CDH12: variants seen among roughly 807,000 people sequenced by gnomAD.
CDH12 encodes cadherin-12.
In CDH12, 41 loss-of-function variants were observed where a neutral mutation model predicts 74.1. That is an observed-to-expected ratio of 0.55 (90% CI 0.43 to 0.72). The LOEUF (loss-of-function observed/expected upper bound fraction) is 0.72, where lower values mean the gene tolerates loss of function less well. CDH12 is among the 30% of genes least tolerant of loss of function. The pLI is 0.00. For synonymous variants in CDH12, 399 were observed against 355.0 expected, an observed-to-expected ratio of 1.12 and a Z score of -1.39; for missense variants, 945 against 977.2, an observed-to-expected ratio of 0.97 and a Z score of 0.44.
At position 21,935,571 on chromosome 5, in the gene CDH12, C is replaced by T. The variant is rs201839769; in HGVS notation, c.526+39520G>A. Among the ~76,000 whole-genome samples, 13 of 152,312 alleles carry T rather than the reference C, an allele frequency of 8.5e-5. No homozygotes were observed. In the East Asian group the frequency reaches 2.5e-3, roughly 29 times the overall value. ...TAAATTGAATATCCATCACTTCACA[C>T]AGTTATCCTTTGTGTTACAAACAAT... On this transcript the variant is annotated intron_variant, in intron 6 of 14. Coordinates refer to ENST00000382254, the MANE Select transcript of CDH12 (RefSeq NM_004061.5).
intron 3 of CDH12, among the ~76,000 whole-genome samples, chr5:22,361,930 C>T (rs1313118587): frequency 6.6e-6 from 1 of 152,086 alleles, no homozygotes; most frequent in Admixed American, 6.6e-5. Flanking sequence ...AAAATTAATT[C>T]AAGATGGATT....
chr5:21,768,959 C>A (rs1279474565), intron 11 of CDH12, among the ~76,000 whole-genome samples: 6 of 151,866 alleles, frequency 4.0e-5, no homozygotes, highest in Admixed American at 3.9e-4. Flanking sequence ...CCTGGGGACA[C>A]GAGGTTGATT....
chr5:22,139,479 C>A (rs1746666836), intron 4 of CDH12: 1 of 125,968 alleles, frequency 7.9e-6, no homozygotes, highest in Admixed American at 8.2e-5. Context: ...AAAAAGAAAG[C>A]ACACCACAAC....
intron 1 of CDH12, among the ~76,000 whole-genome samples, chr5:22,759,141 G>T (rs1426637789): frequency 6.6e-6 from 1 of 151,838 alleles, no homozygotes. Context: ...TGGCAACCTG[G>T]ACTTCTGACT....
chr5:22,357,078 G>A (rs1049718811), intron 3 of CDH12, among the ~76,000 whole-genome samples: 1 of 152,006 alleles, frequency 6.6e-6, no homozygotes, highest in Non-Finnish European at 1.5e-5. Flanking sequence ...GAGATATAGA[G>A]ACAGCCAGAT....
At chr5:22,463,713 T>C (rs1023501709) in intron 2 of CDH12, among the ~76,000 whole-genome samples, 1 of 152,184 alleles carries the variant, frequency 6.6e-6, no homozygotes. Context: ...ATTAAAGTAT[T>C]CATTAATTTA....
intron 5 of CDH12, among the ~76,000 whole-genome samples, chr5:21,989,230 C>T (rs979048557): frequency 3.3e-5 from 5 of 152,120 alleles, no homozygotes; most frequent in African/African-American, 1.2e-4. Flanking sequence ...TTAGAACACA[C>T]ATTATGCCTA....
In CDH12 at chr5:22,470,638, G is replaced by C. The variant is rs146001056; in HGVS notation, c.-428+34632C>G. Among the ~76,000 whole-genome samples, 838 of 152,054 alleles carry C rather than the reference G, an allele frequency of 5.5e-3. 25 individuals are homozygous for C. Among genetic ancestry groups the C allele is most frequent in the Admixed American group, 0.049 (743 of 15,272 alleles). On this transcript the variant is annotated intron_variant, in intron 2 of 14. Coordinates refer to ENST00000382254, the MANE Select transcript of CDH12 (RefSeq NM_004061.5). ...GTCTTGCTATGTTTCCCAGGCTGTT[G>C]TTGAACTCCCAGTGTCAAGTGCTCT... is the stretch of plus-strand genomic sequence containing the variant.
chr5:21,756,808 C>T (rs561872505), intron 13 of CDH12, among the ~76,000 whole-genome samples: 1 of 152,070 alleles, frequency 6.6e-6, no homozygotes, highest in Admixed American at 6.6e-5. Context: ...AGGTCTGTCA[C>T]AAATATGTTA....
chr5:22,308,855 G>C (rs977068756), intron 3 of CDH12, among the ~76,000 whole-genome samples: 32 of 116,368 alleles, frequency 2.7e-4, no homozygotes, highest in South Asian at 5.3e-4. Context: ...CATACACACA[G>C]AGAGAGAGAG....
In CDH12 at chr5:22,560,907, T is replaced by C. The variant is rs1053257941; in HGVS notation, c.-522-55543A>G. 2.0e-5 allele frequency among the ~76,000 whole-genome samples: 3 copies of C among 152,160 alleles called. No individual in the cohort carries two copies. The South Asian group carries it at 6.2e-4, about 31-fold the overall frequency. The stretch of plus-strand genomic sequence containing the variant: ...AGTAGAATGCTATTTTGTGCATAAT[T>C]GGTAGTCTTCAACCTAGAGCACAGA... On this transcript the variant is annotated intron_variant, in intron 1 of 14. Coordinates refer to ENST00000382254, the MANE Select transcript of CDH12 (RefSeq NM_004061.5).
chr5:22,725,623 C>T (rs1377112726), intron 1 of CDH12, among the ~76,000 whole-genome samples: 3 of 151,278 alleles, frequency 2.0e-5, no homozygotes, highest in Non-Finnish European at 4.4e-5. Context: ...GGACACTAAT[C>T]TCACTTTTGA....
intron 6 of CDH12, among the ~76,000 whole-genome samples, chr5:21,943,039 C>A (rs925758343): frequency 2.0e-5 from 3 of 152,034 alleles, no homozygotes; most frequent in African/African-American, 7.2e-5. Context: ...CTCATGAGAT[C>A]TGATGGTTTT....
chr5:22,770,789 T>TAA (rs1746767280), intron 1 of CDH12, among the ~76,000 whole-genome samples: 1 of 152,118 alleles, frequency 6.6e-6, no homozygotes, highest in Admixed American at 6.6e-5. Context: ...TTGTGTTTCT[T>TAA]ATAAACATTT....
chr5:22,509,435 C>A (rs183499681), intron 1 of CDH12, among the ~76,000 whole-genome samples: 1 of 152,052 alleles, frequency 6.6e-6, no homozygotes, highest in Non-Finnish European at 1.5e-5. Context: ...TACAGTACAC[C>A]TTTCAGTGAC....
chr5:22,675,870 C>CATATATATATATATAAT lies in CDH12; in HGVS notation c.-522-170507_-522-170506insATTATATATATATATAT, dbSNP rs1554058175. Among the ~76,000 whole-genome samples the CATATATATATATATAAT allele has an allele frequency of 1.4e-4, 13 of 92,158 alleles. No homozygotes were observed. The Admixed American group carries it at 1.7e-3, about 12-fold the overall frequency. The allele number at this position is 92,158 out of a possible 152,430, so 60.5% of individuals were successfully genotyped here. On this transcript the variant is annotated intron_variant, in intron 1 of 14. Transcript: ENST00000382254. ...TGTATATATTTATACTTTTGTATCT[C>CATATATATATATATAAT]ATATATATATATATATACTTTTGTT... is the stretch of plus-strand genomic sequence containing the variant.
chr5:22,457,425 A>ATT (rs1172240668), intron 2 of CDH12, among the ~76,000 whole-genome samples: 11 of 104,804 alleles, frequency 1.0e-4, no homozygotes, highest in South Asian at 5.9e-4. Flanking sequence ...CTTCTTCTTC[A>ATT]TTTTTTTTTT....
At chr5:22,787,897 C>A (rs560341063) in intron 1 of CDH12, among the ~76,000 whole-genome samples, 1 of 152,278 alleles carries the variant, frequency 6.6e-6, no homozygotes, top group South Asian at 2.1e-4. Context: ...GAGAGAAAAA[C>A]CAGGTTTTTC....
At chr5:22,628,020 G>C (rs1738389691) in intron 1 of CDH12, among the ~76,000 whole-genome samples, 1 of 151,988 alleles carries the variant, frequency 6.6e-6, no homozygotes, top group South Asian at 2.1e-4. Context: ...ATTACATAAT[G>C]GTAAAGGGCT....
Sources: gnomAD v4.1 joint callset for allele counts (sites outside exome capture counted in the v4.1 genomes callset) on GRCh38, gnomAD v4.1.1 for gene constraint, MANE v1.5 for transcripts, NCBI Gene and HGNC (gene_info 2026-07-23, HGNC 2026-07-21) for gene names.